FBXO42: variants seen among roughly 807,000 people sequenced by gnomAD.
The protein encoded by FBXO42 is F-box only protein 42.
FBXO42 carries 12 observed loss-of-function variants against 71.7 expected under a neutral mutation model. The observed-to-expected ratio is 0.17, with a 90% CI of 0.11 to 0.27. FBXO42 has a LOEUF of 0.27. Among genes scored for constraint, FBXO42 ranks in the 10% least tolerant of loss-of-function variants. The pLI, the probability that FBXO42 is intolerant of heterozygous loss-of-function variation, is 1.00. For synonymous variants in FBXO42, 325 were observed against 327.5 expected, an observed-to-expected ratio of 0.99 and a Z score of 0.08; for missense variants, 707 against 911.9, an observed-to-expected ratio of 0.78 and a Z score of 2.89.
chr1:16,295,762 A>AGTCCAATG lies in FBXO42; in HGVS notation c.368-853_368-846dup, dbSNP rs200366558. Among the ~76,000 whole-genome samples the AGTCCAATG allele has an allele frequency of 7.5e-3, 1,136 of 152,332 alleles. 10 individuals are homozygous for AGTCCAATG. Among genetic ancestry groups the AGTCCAATG allele is most frequent in the African/African-American group, 0.026 (1,082 of 41,580 alleles). On this transcript the variant is annotated intron_variant, in intron 3 of 9. Coordinates refer to ENST00000375592, the MANE Select transcript of FBXO42 (RefSeq NM_018994.3). ...AATACTATGAAGTAACCACACATAA[A>AGTCCAATG]GTCCAATGTGATTGAAGAAATACAG...
intron 2 of FBXO42, 104 bp from the exon 3 acceptor site, chr1:16,306,023 T>A (rs940491351): frequency 4.0e-6 from 3 of 748,906 alleles, no homozygotes; most frequent in Admixed American, 5.3e-5. Flanking sequence ...TACAAGTTTC[T>A]TTTTTTTTTC....
chr1:16,311,527 T>TAC (rs1350138849), intron 2 of FBXO42, among the ~76,000 whole-genome samples: 2,165 of 137,322 alleles, frequency 0.016, 27 homozygotes, highest in African/African-American at 0.019. Context: ...TATATATATA[T>TAC]ACATATGTAT....
intron 3 of FBXO42, among the ~76,000 whole-genome samples, chr1:16,301,723 A>C (rs1242754888): frequency 6.6e-6 from 1 of 151,690 alleles, no homozygotes; most frequent in Non-Finnish European, 1.5e-5. Flanking sequence ...TGTCTAAGAC[A>C]TGGAGCCTGT....
chr1:16,274,898 A>G (rs1361085266), intron 4 of FBXO42, among the ~76,000 whole-genome samples: 1 of 151,964 alleles, frequency 6.6e-6, no homozygotes, highest in Non-Finnish European at 1.5e-5. Context: ...CTATCAAATT[A>G]TGTCTTAATA....
chr1:16,297,583 C>A (rs4291495), intron 3 of FBXO42, among the ~76,000 whole-genome samples: 1 of 151,926 alleles, frequency 6.6e-6, no homozygotes, highest in Non-Finnish European at 1.5e-5. Flanking sequence ...AAGTCCAGGC[C>A]GGGCGTGGTG....
intron 1 of FBXO42, among the ~76,000 whole-genome samples, chr1:16,336,669 A>T (rs1159958154): frequency 1.3e-5 from 2 of 151,172 alleles, no homozygotes; most frequent in African/African-American, 2.4e-5. Flanking sequence ...GCCAAGGTTT[A>T]ATTTGGACAT....
Position 16,248,569 on chromosome 1 carries a change from A to T in FBXO42, c.*2101T>A, listed in dbSNP as rs1201725402. The stretch of plus-strand genomic sequence containing the variant: ...TAATATACTTTATATTTAGATAGGA[A>T]CTACTGAGTTTGGAGGCACAGTCCA... On this transcript the variant is annotated 3_prime_UTR_variant, in exon 10 of 10. Transcript: ENST00000375592. 1 of 152,224 alleles carries T rather than the reference A, an allele frequency of 6.6e-6. No individual in the cohort carries two copies. The highest frequency in any genetic ancestry group is 6.5e-5 in the Admixed American group (1 of 15,282). The allele number at this position is 152,224 out of a possible 1,614,324, so 9.4% of individuals were successfully genotyped here.
intron 4 of FBXO42, among the ~76,000 whole-genome samples, chr1:16,288,355 G>T (rs745973777): frequency 2.0e-5 from 3 of 151,682 alleles, no homozygotes; most frequent in African/African-American, 7.3e-5. Context: ...ACTTGAACCC[G>T]GGAGGTGGAG....
At position 16,251,966 on chromosome 1, in the gene FBXO42, C is replaced by CT. The variant is rs1264661516; in HGVS notation, c.1039-182dup. ...AAGTCAGACATGGGAACAATCGCTG[C>CT]TTTGTGTGACATATGCTATCATTAG... On this transcript the variant is annotated intron_variant, in intron 9 of 9. Transcript: ENST00000375592. This position sits in a 1 kb window ranked among gnomAD's most constrained non-coding sequence, Gnocchi z 4.5. 6.6e-6 allele frequency among the ~76,000 whole-genome samples: 1 copy of CT among 152,136 alleles called. No homozygotes were observed. The highest frequency in any genetic ancestry group is 1.5e-5 in the Non-Finnish European group (1 of 68,032).
intron 3 of FBXO42, among the ~76,000 whole-genome samples, chr1:16,302,789 C>T (rs1025788054): frequency 2.0e-5 from 3 of 152,190 alleles, no homozygotes; most frequent in Non-Finnish European, 2.9e-5. Context: ...GGATTACAGG[C>T]GTAAGCCACT....
intron 3 of FBXO42, among the ~76,000 whole-genome samples, chr1:16,301,967 T>C (rs560762688): frequency 6.6e-6 from 1 of 152,268 alleles, no homozygotes; most frequent in South Asian, 2.1e-4. Flanking sequence ...GTCATATCCA[T>C]TTTTCAGACA....
chr1:16,274,158 T>C (rs2081873717), intron 4 of FBXO42, among the ~76,000 whole-genome samples: 1 of 151,048 alleles, frequency 6.6e-6, no homozygotes, highest in African/African-American at 2.4e-5. Context: ...AAAACTAAAT[T>C]AGTCAGGCAT....
At chr1:16,331,929 A>C (rs2082504704) in intron 1 of FBXO42, among the ~76,000 whole-genome samples, 1 of 152,082 alleles carries the variant, frequency 6.6e-6, no homozygotes, top group South Asian at 2.1e-4. Context: ...ACACGCCTGT[A>C]ATCCCAGCAC....
Position 16,251,678 on chromosome 1 carries a change from G to C in FBXO42, c.1146C>G (p.Leu382=). 6.2e-7 allele frequency: 1 copy of C among 1,614,216 alleles called. No homozygotes were observed. Among genetic ancestry groups the C allele is most frequent in the Non-Finnish European group, 8.5e-7 (1 of 1,180,040 alleles). The change falls in exon 10 of 10, where the codon CTC becomes CTG. Residue 382 remains leucine, a synonymous_variant. Coordinates refer to ENST00000375592, the MANE Select transcript of FBXO42 (RefSeq NM_018994.3). This position sits in a 1 kb window ranked among gnomAD's most constrained non-coding sequence, Gnocchi z 4.5. Reference sequence around the variant, plus strand: ...AGCGGTACTCTCGGGTTTCAGGAACGAGAGCTGGAGGAGTGGCACTGATAG... The same window carrying C: ...AGCGGTACTCTCGGGTTTCAGGAACCAGAGCTGGAGGAGTGGCACTGATAG... ...PSPISATPPA[L]VPETREYRSQ... is the part of the protein sequence containing the mutation.
chr1:16,348,869 T>A (rs2082675582), intron 1 of FBXO42, among the ~76,000 whole-genome samples: 2 of 152,222 alleles, frequency 1.3e-5, no homozygotes, highest in South Asian at 2.1e-4. Context: ...AAATATTTAC[T>A]GTATTAATTG....
chr1:16,346,826 C>T (rs2082658346), intron 1 of FBXO42, among the ~76,000 whole-genome samples: 1 of 146,190 alleles, frequency 6.8e-6, no homozygotes, highest in Non-Finnish European at 1.5e-5. Flanking sequence ...GGGACATCAA[C>T]TCACTGCAAC....
chr1:16,294,916 A>G lies in FBXO42; in HGVS notation c.369T>C (p.Ser123=), dbSNP rs1044100877. The G allele has an allele frequency of 2.5e-6, 4 of 1,591,834 alleles. No individual in the cohort carries two copies. The African/African-American group carries it at 5.4e-5, about 21-fold the overall frequency. The change falls in exon 4 of 10, where the codon AGT becomes AGC. Residue 123 remains serine, a splice_region_variant and synonymous_variant. Transcript: ENST00000375592. ...GTPITQRFSH[S]ACYYDANQSM... ...ACTGATTAGCATCATAATAGCATGC[A>G]CCTAGAAAGAAAATACACAAATAAC...
intron 4 of FBXO42, 103 bp from the exon 5 acceptor site, chr1:16,256,862 G>T: frequency 8.3e-7 from 1 of 1,199,364 alleles, no homozygotes. Flanking sequence ...AACAAAAGGG[G>T]AACTAATACT....
chr1:16,270,793 T>C (rs76809625), intron 4 of FBXO42, among the ~76,000 whole-genome samples: 3,959 of 106,218 alleles, frequency 0.037, 125 homozygotes, highest in African/African-American at 0.097. Flanking sequence ...CACACACACA[T>C]ATAAAATTCC....
Sources: gnomAD v4.1 joint callset for allele counts (sites outside exome capture counted in the v4.1 genomes callset) on GRCh38, gnomAD v4.1.1 for gene constraint, Gnocchi (gnomAD v3.1) non-coding constraint, MANE v1.5 for transcripts, NCBI Gene and HGNC (gene_info 2026-07-23, HGNC 2026-07-21) for gene names.